Variants in VWC2L observed in about 807,000 individuals in gnomAD.
VWC2L encodes von Willebrand factor C domain containing 2 like.
In VWC2L, 10 loss-of-function variants were observed where a neutral mutation model predicts 21.6. The observed-to-expected ratio is 0.46, with a 90% CI of 0.29 to 0.78. VWC2L has a LOEUF of 0.78. VWC2L is among the 30% of genes least tolerant of loss of function. The pLI is 0.10. For synonymous variants in VWC2L, 96 were observed against 94.3 expected, an observed-to-expected ratio of 1.02 and a Z score of -0.10; for missense variants, 209 against 277.1, an observed-to-expected ratio of 0.75 and a Z score of 1.74.
At chr2:214,544,467 G>T (rs1689674411) in intron 3 of VWC2L, among the ~76,000 whole-genome samples, 1 of 152,094 alleles carries the variant, frequency 6.6e-6, no homozygotes. Flanking sequence ...AGGCCTGGAG[G>T]TCTTTCAGGA....
intron 3 of VWC2L, among the ~76,000 whole-genome samples, chr2:214,512,601 A>G (rs1309455190): frequency 2.6e-5 from 4 of 152,178 alleles, no homozygotes; most frequent in African/African-American, 9.7e-5. Context: ...CTTTCTAAAA[A>G]TTTTTGTCAA....
At chr2:214,485,464 C>G (rs530396984) in intron 3 of VWC2L, among the ~76,000 whole-genome samples, 30 of 152,092 alleles carry the variant, frequency 2.0e-4, no homozygotes, top group Non-Finnish European at 2.9e-4. Flanking sequence ...ATTACTTAAC[C>G]TCTCTGAGTT....
intron 2 of VWC2L, among the ~76,000 whole-genome samples, chr2:214,429,885 G>A (rs374697235): frequency 2.8e-4 from 42 of 151,908 alleles, no homozygotes; most frequent in African/African-American, 8.9e-4. Context: ...GTGCAATGGC[G>A]CAATCTTGGC....
intron 3 of VWC2L, among the ~76,000 whole-genome samples, chr2:214,495,463 A>G (rs1688798589): frequency 6.6e-6 from 1 of 152,290 alleles, no homozygotes; most frequent in African/African-American, 2.4e-5. Context: ...GTTACTTGCC[A>G]AGATAATAAA....
At chr2:214,564,078 C>T (rs368194058) in intron 3 of VWC2L, among the ~76,000 whole-genome samples, 10 of 151,926 alleles carry the variant, frequency 6.6e-5, no homozygotes, top group African/African-American at 9.7e-5. Context: ...ATTGCCACAA[C>T]GAGAATAAAA....
intron 3 of VWC2L, among the ~76,000 whole-genome samples, chr2:214,539,589 G>A (rs965998612): frequency 1.6e-4 from 25 of 152,120 alleles, no homozygotes; most frequent in African/African-American, 5.8e-4. Flanking sequence ...GAAAAACAAC[G>A]TTAACCTGAC....
At chr2:214,516,634 C>G (rs957161300) in intron 3 of VWC2L, among the ~76,000 whole-genome samples, 2 of 148,038 alleles carry the variant, frequency 1.4e-5, no homozygotes, top group African/African-American at 5.0e-5. Flanking sequence ...ATTGTGCTGC[C>G]AGAGAAACAG....
At chr2:214,536,685 AAG>A (rs1236969737) in intron 3 of VWC2L, 1 of 152,032 alleles carries the variant, frequency 6.6e-6, no homozygotes, top group African/African-American at 2.4e-5. Flanking sequence ...ACTTCCTATG[AAG>A]AAAGTTTTCT....
At chr2:214,508,863 T>A (rs1468167566) in intron 3 of VWC2L, among the ~76,000 whole-genome samples, 1 of 152,206 alleles carries the variant, frequency 6.6e-6, no homozygotes, top group African/African-American at 2.4e-5. Flanking sequence ...ACTGTGGAAG[T>A]TCTGACCCAT....
intron 3 of VWC2L, among the ~76,000 whole-genome samples, chr2:214,537,066 A>C (rs78121988): frequency 0.025 from 3,828 of 151,810 alleles, 167 homozygotes; most frequent in African/African-American, 0.087. Flanking sequence ...ATTCTTCCAA[A>C]AGACTTACAA....
At chr2:214,431,606 G>A (rs1000787533) in intron 2 of VWC2L, among the ~76,000 whole-genome samples, 5 of 152,098 alleles carry the variant, frequency 3.3e-5, no homozygotes, top group Non-Finnish European at 7.4e-5. Flanking sequence ...TAAGAAACCC[G>A]TGTTGTTTTC....
chr2:214,474,899 T>G (rs1688488887), intron 3 of VWC2L, among the ~76,000 whole-genome samples: 1 of 152,180 alleles, frequency 6.6e-6, no homozygotes, highest in African/African-American at 2.4e-5. Context: ...CTTCCCAGTC[T>G]GCTCAGTTTT....
chr2:214,508,038 G>A (rs1257697556), intron 3 of VWC2L, among the ~76,000 whole-genome samples: 6 of 152,066 alleles, frequency 3.9e-5, no homozygotes, highest in Non-Finnish European at 8.8e-5. Context: ...GTGCAGTGGC[G>A]TGATCTCGGC....
intron 3 of VWC2L, among the ~76,000 whole-genome samples, chr2:214,529,454 A>G (rs1689397470): frequency 6.6e-6 from 1 of 152,174 alleles, no homozygotes; most frequent in Non-Finnish European, 1.5e-5. Context: ...TTAAAACTGA[A>G]GAAAACTACG....
chr2:214,523,246 C>T (rs56009807), intron 3 of VWC2L, among the ~76,000 whole-genome samples: 7,987 of 152,206 alleles, frequency 0.052, 699 homozygotes, highest in African/African-American at 0.18. Context: ...TTGAGGAATT[C>T]GCATTCTTGA....
At position 214,411,796 on chromosome 2, in the gene VWC2L, T is replaced by C. The variant is rs996429263; in HGVS notation, c.-81+10T>C. On this transcript the variant is annotated intron_variant, in intron 1 of 3. Coordinates refer to ENST00000312504, the MANE Select transcript of VWC2L (RefSeq NM_001080500.4). ...CCTCCAGAGTGATTAGGTAAGTGTA[T>C]CTTATGACATGAATTATGTTTGTTT... 1.3e-5 allele frequency: 2 copies of C among 152,162 alleles called. No homozygotes were observed. Among genetic ancestry groups the C allele is most frequent in the East Asian group, 1.9e-4 (1 of 5,204 alleles). The allele number at this position is 152,162 out of a possible 1,614,324, so 9.4% of individuals were successfully genotyped here. A position where few individuals can be genotyped will look rare whatever the true frequency, so the allele number is the denominator to read the frequency against.
intron 3 of VWC2L, among the ~76,000 whole-genome samples, chr2:214,499,140 T>C (rs1688856258): frequency 6.8e-6 from 1 of 146,588 alleles, no homozygotes; most frequent in South Asian, 2.2e-4. Context: ...TGCCTCAGCC[T>C]CCTGAGTAGC....
At chr2:214,478,881 G>C (rs987834897) in intron 3 of VWC2L, among the ~76,000 whole-genome samples, 2 of 152,164 alleles carry the variant, frequency 1.3e-5, no homozygotes, top group African/African-American at 4.8e-5. Flanking sequence ...GTAGAGGCCA[G>C]CTACCATTCT....
At chr2:214,532,406 G>T (rs1218713383) in intron 3 of VWC2L, among the ~76,000 whole-genome samples, 1 of 151,886 alleles carries the variant, frequency 6.6e-6, no homozygotes, top group African/African-American at 2.4e-5. Context: ...TCATTTTATT[G>T]CTATCACACT....
Sources: gnomAD v4.1 joint callset for allele counts (sites outside exome capture counted in the v4.1 genomes callset) on GRCh38, gnomAD v4.1.1 for gene constraint, MANE v1.5 for transcripts, NCBI Gene and HGNC (gene_info 2026-07-23, HGNC 2026-07-21) for gene names.